Variants in CLVS1 observed in about 807,000 individuals in gnomAD.
CLVS1 encodes clavesin-1.
Under a neutral mutation model 33.1 loss-of-function variants are expected in CLVS1, and 10 were observed. That is an observed-to-expected ratio of 0.30 (90% CI 0.19 to 0.51). The LOEUF (loss-of-function observed/expected upper bound fraction) is 0.51. CLVS1 is among the 20% of genes least tolerant of loss of function. CLVS1 has a pLI of 0.97. For synonymous variants in CLVS1, 163 were observed against 166.1 expected (o/e 0.98, Z 0.14); for missense variants, 343 against 433.4 (o/e 0.79, Z 1.85).
intron 2 of CLVS1, among the ~76,000 whole-genome samples, chr8:61,268,496 T>C (rs1465592007): frequency 1.3e-5 from 2 of 151,418 alleles, no homozygotes; most frequent in African/African-American, 2.4e-5. Flanking sequence ...TGTGTATTTA[T>C]AGCAGCATGA....
chr8:61,287,349 A>AC (rs1289341864), upstream of CLVS1, among the ~76,000 whole-genome samples: 4 of 152,162 alleles, frequency 2.6e-5, no homozygotes, highest in African/African-American at 9.7e-5. Flanking sequence ...AAAGGCTGTT[A>AC]GTGTTTCTCT....
At chr8:61,080,442 C>A (rs1400566393) in intron 1 of CLVS1, among the ~76,000 whole-genome samples, 1 of 152,134 alleles carries the variant, frequency 6.6e-6, no homozygotes, top group African/African-American at 2.4e-5. Flanking sequence ...CTGACAGAAT[C>A]CCCCTTTAAC....
the CLVS1 span, among the ~76,000 whole-genome samples, chr8:61,002,052 C>G: frequency 6.6e-6 from 1 of 152,014 alleles, no homozygotes; most frequent in Non-Finnish European, 1.5e-5. Flanking sequence ...AATCTTGGTT[C>G]ACTGCAGCCT....
chr8:61,145,428 G>A (rs1167988595), intron 2 of CLVS1, among the ~76,000 whole-genome samples: 5 of 152,196 alleles, frequency 3.3e-5, no homozygotes, highest in African/African-American at 2.4e-5. Flanking sequence ...AGAATAAAAG[G>A]TGACTCTTCA....
intron 2 of CLVS1, among the ~76,000 whole-genome samples, chr8:61,372,403 T>A (rs1024459227): frequency 2.6e-5 from 4 of 152,178 alleles, no homozygotes; most frequent in Non-Finnish European, 4.4e-5. Flanking sequence ...ATTTATTTTT[T>A]AAAAATAAAC....
At chr8:61,069,865 A>T (rs1277788232) in intron 1 of CLVS1, among the ~76,000 whole-genome samples, 1 of 151,996 alleles carries the variant, frequency 6.6e-6, no homozygotes, top group Non-Finnish European at 1.5e-5. Context: ...ATCTTGGCTT[A>T]CTATAGCCTC....
chr8:61,143,783 A>G (rs1806358902), intron 2 of CLVS1, among the ~76,000 whole-genome samples: 1 of 86,532 alleles, frequency 1.2e-5, no homozygotes, highest in African/African-American at 4.4e-5. Flanking sequence ...ATATGTACAT[A>G]TTATATATAC....
chr8:61,257,866 C>G (rs1229540176), intron 2 of CLVS1, among the ~76,000 whole-genome samples: 1 of 152,080 alleles, frequency 6.6e-6, no homozygotes, highest in Non-Finnish European at 1.5e-5. Flanking sequence ...ATTTATGTGT[C>G]TTGTTTCTCT....
chr8:61,032,528 T>C, the CLVS1 span, among the ~76,000 whole-genome samples: 1 of 152,162 alleles, frequency 6.6e-6, no homozygotes, highest in African/African-American at 2.4e-5. Context: ...AGGGAGCTGA[T>C]GGCCATCGAC....
At chr8:61,039,359 C>T in the CLVS1 span, among the ~76,000 whole-genome samples, 67,542 of 151,882 alleles carry the variant, frequency 0.44, 15,674 homozygotes, top group African/African-American at 0.58. Flanking sequence ...GGTTGAGCCC[C>T]GCAATTTGAA....
chr8:61,352,487 T>C (rs926262743), intron 2 of CLVS1, among the ~76,000 whole-genome samples: 1 of 152,040 alleles, frequency 6.6e-6, no homozygotes, highest in Non-Finnish European at 1.5e-5. Flanking sequence ...AGATTAGCAG[T>C]GGATTAAGAA....
chr8:61,133,784 T>C (rs1352501396), intron 2 of CLVS1, among the ~76,000 whole-genome samples: 1 of 152,044 alleles, frequency 6.6e-6, no homozygotes, highest in African/African-American at 2.4e-5. Context: ...CCTGGGGTAG[T>C]TCAAGGGCAC....
chr8:61,393,935 A>G (rs977941586), intron 3 of CLVS1, among the ~76,000 whole-genome samples: 3 of 152,206 alleles, frequency 2.0e-5, no homozygotes, highest in East Asian at 1.9e-4. Flanking sequence ...GTTAGCCAGG[A>G]TGTTGCAGGC....
chr8:61,433,377 A>G (rs76590352), intron 3 of CLVS1, among the ~76,000 whole-genome samples: 2 of 152,248 alleles, frequency 1.3e-5, no homozygotes, highest in Non-Finnish European at 2.9e-5. Context: ...TACATTTTAC[A>G]TACAATAAAG....
intron 2 of CLVS1, among the ~76,000 whole-genome samples, chr8:61,158,677 A>C (rs975044423): frequency 3.9e-5 from 6 of 152,074 alleles, no homozygotes; most frequent in African/African-American, 1.4e-4. Flanking sequence ...TAGGGTCAAG[A>C]GTAGAAAAGA....
chr8:61,023,837 G>A, the CLVS1 span, among the ~76,000 whole-genome samples: 1 of 152,218 alleles, frequency 6.6e-6, no homozygotes, highest in Non-Finnish European at 1.5e-5. Flanking sequence ...CAGCTTCTTT[G>A]GTCTCGGTCA....
At chr8:61,190,483 C>G (rs1442548211) in intron 2 of CLVS1, among the ~76,000 whole-genome samples, 2 of 152,144 alleles carry the variant, frequency 1.3e-5, no homozygotes, top group Admixed American at 6.5e-5. Flanking sequence ...CAAGAGCAAA[C>G]ACATTCAAAA....
chr8:61,291,281 G>T (rs1370565106), intron 1 of CLVS1, among the ~76,000 whole-genome samples: 3 of 152,122 alleles, frequency 2.0e-5, no homozygotes, highest in African/African-American at 7.2e-5. Context: ...GTGAGCTTTT[G>T]TGCTTGATAA....
chr8:61,368,216 A>G (rs1585869813), intron 2 of CLVS1, among the ~76,000 whole-genome samples: 1 of 152,290 alleles, frequency 6.6e-6, no homozygotes, highest in East Asian at 1.9e-4. Context: ...AGTGATACAT[A>G]CTCTATTTCT....
Sources: gnomAD v4.1 joint callset for allele counts (sites outside exome capture counted in the v4.1 genomes callset) on GRCh38, gnomAD v4.1.1 for gene constraint, MANE v1.5 for transcripts, NCBI Gene and HGNC (gene_info 2026-07-23, HGNC 2026-07-21) for gene names.